The following NOL4 variants were observed in gnomAD, a reference collection of about 807,000 sequenced individuals.
NOL4 encodes nucleolar protein 4.
NOL4 carries 17 observed loss-of-function variants against 75.9 expected under a neutral mutation model. The ratio of observed to expected loss-of-function variants is 0.22; its 90% CI spans 0.15 to 0.34. The LOEUF (loss-of-function observed/expected upper bound fraction) is 0.34, where lower values mean the gene tolerates loss of function less well. Ranked by LOEUF, NOL4 falls within the 10% of genes least tolerant of loss-of-function variation. NOL4 has a pLI of 1.00. For synonymous variants in NOL4, 292 were observed against 289.9 expected (o/e 1.01, Z -0.07); for missense variants, 614 against 793.5 (o/e 0.77, Z 2.72).
chr18:34,051,751 A>C (rs1019219532), intron 5 of NOL4, among the ~76,000 whole-genome samples: 1 of 151,992 alleles, frequency 6.6e-6, no homozygotes, highest in African/African-American at 2.4e-5. Flanking sequence ...AGAAATGTCT[A>C]CTATAAGGAA....
At chr18:34,137,785 C>CACACACACAA (rs2080957200) in intron 1 of NOL4, among the ~76,000 whole-genome samples, 1 of 151,092 alleles carries the variant, frequency 6.6e-6, no homozygotes, top group Non-Finnish European at 1.5e-5. Flanking sequence ...GAAATACACA[C>CACACACACAA]ACACACACAC....
intron 1 of NOL4, among the ~76,000 whole-genome samples, chr18:34,168,967 T>C (rs1469545034): frequency 6.6e-6 from 1 of 151,760 alleles, no homozygotes; most frequent in African/African-American, 2.4e-5. Context: ...TTATAAAAAA[T>C]TAATGCAAAC....
At chr18:33,883,912 C>G (rs1257369096) in intron 9 of NOL4, among the ~76,000 whole-genome samples, 3 of 151,914 alleles carry the variant, frequency 2.0e-5, no homozygotes, top group Non-Finnish European at 4.4e-5. Context: ...TAATCAAAGA[C>G]AAAGAAACAT....
intron 9 of NOL4, among the ~76,000 whole-genome samples, chr18:33,884,887 G>A (rs1346258582): frequency 6.6e-6 from 1 of 152,030 alleles, no homozygotes. Flanking sequence ...GTGACTATCA[G>A]CATAACACAG....
At chr18:33,976,779 A>T (rs1307713981) in intron 6 of NOL4, among the ~76,000 whole-genome samples, 2 of 152,206 alleles carry the variant, frequency 1.3e-5, no homozygotes, top group African/African-American at 4.8e-5. Flanking sequence ...TTGAACTCCC[A>T]GTAATTAATT....
intron 5 of NOL4, among the ~76,000 whole-genome samples, chr18:34,086,619 C>A (rs577729840): frequency 6.6e-6 from 1 of 152,218 alleles, no homozygotes; most frequent in South Asian, 2.1e-4. Context: ...CTGGTTTATA[C>A]ACTTTAATAA....
At chr18:34,212,414 C>T (rs752968347) in intron 1 of NOL4, among the ~76,000 whole-genome samples, 12 of 152,144 alleles carry the variant, frequency 7.9e-5, no homozygotes, top group Non-Finnish European at 1.2e-4. Context: ...TGGTCAAATA[C>T]GCTTGTTAAA....
chr18:34,045,344 T>C (rs2076319037), intron 5 of NOL4, among the ~76,000 whole-genome samples: 1 of 152,204 alleles, frequency 6.6e-6, no homozygotes, highest in South Asian at 2.1e-4. Context: ...TTTAGGCTCT[T>C]AGTCCTAATT....
intron 10 of NOL4, among the ~76,000 whole-genome samples, chr18:33,874,644 G>T (rs1464879293): frequency 6.6e-6 from 1 of 151,918 alleles, no homozygotes; most frequent in Non-Finnish European, 1.5e-5. Flanking sequence ...ACTTAGCCAG[G>T]CCAGTTTCAG....
At chr18:34,104,955 GTT>G (rs1283449819) in intron 3 of NOL4, 92 bp downstream of exon 3, 1 of 760,660 alleles carries the variant, frequency 1.3e-6, no homozygotes, top group Admixed American at 2.1e-5. Flanking sequence ...TTGTTGAACT[GTT>G]TCAGTCTACC....
chr18:34,010,514 A>G (rs1193281852), intron 6 of NOL4, among the ~76,000 whole-genome samples: 1 of 151,936 alleles, frequency 6.6e-6, no homozygotes, highest in Non-Finnish European at 1.5e-5. Flanking sequence ...ATATATCTAT[A>G]ACATACAATT....
At chr18:34,095,337 T>C (rs940800583) in intron 4 of NOL4, among the ~76,000 whole-genome samples, 8 of 151,790 alleles carry the variant, frequency 5.3e-5, no homozygotes, top group Non-Finnish European at 1.2e-4. Context: ...GATAACAATG[T>C]GGACTTGTTA....
Position 34,187,979 on chromosome 18 carries a change from T to C in NOL4, c.264+35011A>G, listed in dbSNP as rs1056977842. On this transcript the variant is annotated intron_variant, in intron 1 of 10. Transcript: ENST00000261592. Reference sequence around the variant, plus strand: ...GTATTGCTCCACATCCTCACGAACATTGGTACTGTCAGTGCTTTGGATTTT... The same window carrying C: ...GTATTGCTCCACATCCTCACGAACACTGGTACTGTCAGTGCTTTGGATTTT... Among the ~76,000 whole-genome samples, 9 of 152,170 alleles carry C rather than the reference T, an allele frequency of 5.9e-5. No individual in the cohort carries two copies. In the East Asian group the frequency reaches 1.2e-3, roughly 20 times the overall value.
chr18:34,143,862 C>G (rs998912832), intron 1 of NOL4, among the ~76,000 whole-genome samples: 4 of 101,322 alleles, frequency 3.9e-5, no homozygotes, highest in Non-Finnish European at 3.8e-5. Context: ...AAAACTCCAT[C>G]TCAAAAAAAA....
At chr18:34,106,933 C>T (rs16965104) in intron 2 of NOL4, among the ~76,000 whole-genome samples, 2,937 of 152,078 alleles carry the variant, frequency 0.019, 94 homozygotes, top group African/African-American at 0.067. Context: ...TGCGTCTGAC[C>T]AGTAAATTTA....
intron 4 of NOL4, among the ~76,000 whole-genome samples, chr18:34,102,968 GTA>G (rs2079110387): frequency 6.6e-6 from 1 of 151,830 alleles, no homozygotes; most frequent in African/African-American, 2.4e-5. Flanking sequence ...TTTGTATGGA[GTA>G]TACCCTGAAT....
intron 2 of NOL4, among the ~76,000 whole-genome samples, chr18:34,127,077 A>AT (rs2080421237): frequency 6.6e-6 from 1 of 151,930 alleles, no homozygotes; most frequent in South Asian, 2.1e-4. Flanking sequence ...AAAATGTGTC[A>AT]TTTTGTGTGG....
chr18:34,182,030 A>G lies in NOL4; in HGVS notation c.264+40960T>C, dbSNP rs190800756. Among the ~76,000 whole-genome samples, 465 of 151,760 alleles carry G rather than the reference A, an allele frequency of 3.1e-3. 4 individuals carry two copies. The highest frequency in any genetic ancestry group is 4.8e-3 in the Non-Finnish European group (328 of 67,652). ...CCAAAAAGTTAAGCACAAACTGACC[A>G]TATGACCCAACAATTCCATTCCTGG... On this transcript the variant is annotated intron_variant, in intron 1 of 10. Coordinates refer to ENST00000261592, the MANE Select transcript of NOL4 (RefSeq NM_003787.5).
chr18:34,030,888 G>C (rs1304832544), intron 5 of NOL4, among the ~76,000 whole-genome samples: 1 of 151,738 alleles, frequency 6.6e-6, no homozygotes, highest in Non-Finnish European at 1.5e-5. Flanking sequence ...TTACTCTATT[G>C]CTTAAATTGA....
Sources: allele counts gnomAD v4.1 joint callset (sites outside exome capture counted in the v4.1 genomes callset), GRCh38; gene constraint gnomAD v4.1.1; transcripts MANE v1.5; gene names NCBI Gene and HGNC (gene_info 2026-07-23, HGNC 2026-07-21).